CEP135: variants seen among roughly 807,000 people sequenced by gnomAD.
CEP135 encodes centrosomal protein 135.
A neutral mutation model predicts 157.3 loss-of-function variants in CEP135; 142 were observed. The ratio of observed to expected loss-of-function variants is 0.90; its 90% CI spans 0.79 to 1.04. The LOEUF (loss-of-function observed/expected upper bound fraction) is 1.04. CEP135 is among the 50% of genes least tolerant of loss of function. The pLI is 0.00. For synonymous variants in CEP135, 396 were observed against 439.8 expected, an observed-to-expected ratio of 0.90 and a Z score of 1.25; for missense variants, 1,317 against 1,309.2, an observed-to-expected ratio of 1.01 and a Z score of -0.09.
intron 18 of CEP135, among the ~76,000 whole-genome samples, chr4:56,008,681 C>T (rs1730449276): frequency 6.6e-6 from 1 of 152,154 alleles, no homozygotes; most frequent in South Asian, 2.1e-4. Context: ...CCTAAAATTA[C>T]TTTAGTAGCC....
chr4:56,011,381 T>C (rs770942663), intron 19 of CEP135, 31 bp from the exon 20 acceptor site: 1 of 1,419,982 alleles, frequency 7.0e-7, no homozygotes, highest in Admixed American at 1.9e-5. Flanking sequence ...TTGTGTTCAT[T>C]TTAGATTGTC....
intron 7 of CEP135, 122 bp from the exon 8 acceptor site, chr4:55,965,522 A>G (rs1185401837): frequency 3.0e-6 from 2 of 673,640 alleles, no homozygotes. Context: ...CAAATATAAA[A>G]TAGCTGTAGT....
At chr4:55,972,030 A>T (rs1729044737) in intron 10 of CEP135, among the ~76,000 whole-genome samples, 1 of 152,150 alleles carries the variant, frequency 6.6e-6, no homozygotes, top group South Asian at 2.1e-4. Context: ...TGCGACTGTA[A>T]TCCCAGCTAC....
At position 55,964,302 on chromosome 4, in the gene CEP135, G is replaced by A. The variant is rs1728776146; in HGVS notation, c.728G>A (p.Arg243Gln). 3.7e-6 allele frequency: 6 copies of A among 1,612,346 alleles called. No individual in the cohort carries two copies. The highest frequency in any genetic ancestry group is 1.6e-4 in the Middle Eastern group (1 of 6,070). Residue 243 changes from arginine to glutamine, a missense_variant, in exon 7 of 26, where the codon CGA becomes CAA. Transcript: ENST00000257287. ...QIELREREIE[R>Q]LSVALDGGRS... ...GAGCTAAGAGAACGAGAGATAGAAC[G>A]ACTGTCAGTTGCTTTGGATGGTGGT...
intron 10 of CEP135, among the ~76,000 whole-genome samples, chr4:55,973,261 C>A (rs1729086605): frequency 6.6e-6 from 1 of 152,180 alleles, no homozygotes; most frequent in South Asian, 2.1e-4. Flanking sequence ...TGGTCCTGAA[C>A]CTCAGCAGAC....
intron 11 of CEP135, among the ~76,000 whole-genome samples, chr4:55,975,360 C>T (rs1384132443): frequency 6.6e-6 from 1 of 152,168 alleles, no homozygotes; most frequent in Non-Finnish European, 1.5e-5. Context: ...TCATTTCCAG[C>T]CTTGGACCAG....
chr4:55,992,342 T>C (rs1166064322), intron 15 of CEP135, among the ~76,000 whole-genome samples: 1 of 152,236 alleles, frequency 6.6e-6, no homozygotes, highest in Non-Finnish European at 1.5e-5. Flanking sequence ...ATTAATATGA[T>C]TGCAGGCAAA....
In CEP135 at chr4:55,999,483, A is replaced by G. The variant is rs1164269642; in HGVS notation, c.2126-8A>G. On this transcript the variant is annotated splice_polypyrimidine_tract_variant and splice_region_variant and intron_variant, in intron 16 of 25. Transcript: ENST00000257287. Reference sequence around the variant, plus strand: ...CTTTGTCTAACAAACATTTCTTTTCATTTGTAGATGAACTAAACCTTAAGA... The same window carrying G: ...CTTTGTCTAACAAACATTTCTTTTCGTTTGTAGATGAACTAAACCTTAAGA... The G allele has an allele frequency of 6.2e-7, 1 of 1,612,118 alleles. No individual in the cohort carries two copies. Among genetic ancestry groups the G allele is most frequent in the Admixed American group, 1.7e-5 (1 of 59,476 alleles).
intron 14 of CEP135, among the ~76,000 whole-genome samples, chr4:55,990,573 G>A (rs1729751239): frequency 6.6e-6 from 1 of 151,972 alleles, no homozygotes; most frequent in South Asian, 2.1e-4. Context: ...ATAGCTCACT[G>A]CCTCCTCCAA....
chr4:56,024,543 A>G lies in CEP135; in HGVS notation c.3363A>G (p.Thr1121=). 3 of 1,613,994 alleles carry G rather than the reference A, an allele frequency of 1.9e-6. No homozygotes were observed. The highest frequency in any genetic ancestry group is 2.5e-6 in the Non-Finnish European group (3 of 1,179,916). Residue 1121 remains threonine (T), a synonymous_variant, in exon 25 of 26, where the codon ACA becomes ACG. Transcript: ENST00000257287. ...AGATGCGTCGACATGGTCTTGCTACACCACCCCTTAGTTCCACTCTGAGGT... is the reference window on the plus strand; with the variant it reads ...AGATGCGTCGACATGGTCTTGCTACGCCACCCCTTAGTTCCACTCTGAGGT... ...IQEMRRHGLA[T]PPLSSTLRSP...
rs180867365 is a variant in CEP135, at chr4:55,975,807, G to A, written c.1473+838G>A. On this transcript the variant is annotated intron_variant, in intron 11 of 25. Coordinates refer to ENST00000257287, the MANE Select transcript of CEP135 (RefSeq NM_025009.5). Reference sequence around the variant, plus strand: ...AAAACATTTGATTTCAGACTTGGCCGAATTTACTAATTTTGTCATGTTTTT... The same window carrying A: ...AAAACATTTGATTTCAGACTTGGCCAAATTTACTAATTTTGTCATGTTTTT... Among the ~76,000 whole-genome samples, 32 of 152,234 alleles carry A rather than the reference G, an allele frequency of 2.1e-4. No homozygotes were observed. The East Asian group carries it at 5.4e-3, about 26-fold the overall frequency.
At position 55,976,921 on chromosome 4, in the gene CEP135, C is replaced by T. The variant is rs547872012; in HGVS notation, c.1473+1952C>T. Among the ~76,000 whole-genome samples, 6 of 152,256 alleles carry T rather than the reference C, an allele frequency of 3.9e-5. No individual in the cohort carries two copies. In the East Asian group the frequency reaches 1.2e-3, roughly 29 times the overall value. On this transcript the variant is annotated intron_variant, in intron 11 of 25. Transcript: ENST00000257287. ...GCCTACTGGGCTCAAGCCATTTTCA[C>T]ACCTTAGCGTACTGAGTAGCTGGGA...
chr4:55,949,715 A>T (rs1328524205), intron 1 of CEP135, among the ~76,000 whole-genome samples: 1 of 152,204 alleles, frequency 6.6e-6, no homozygotes, highest in Non-Finnish European at 1.5e-5. Flanking sequence ...GGGGACCCCC[A>T]AACCTAACCT....
At chr4:55,975,223 C>T (rs1230590774) in intron 11 of CEP135, among the ~76,000 whole-genome samples, 2 of 152,152 alleles carry the variant, frequency 1.3e-5, no homozygotes, top group Admixed American at 1.3e-4. Context: ...TGCAGTGGCA[C>T]CTGGCCTTCC....
intron 15 of CEP135, among the ~76,000 whole-genome samples, chr4:55,994,577 C>T (rs778683371): frequency 1.3e-5 from 2 of 152,068 alleles, no homozygotes; most frequent in Non-Finnish European, 2.9e-5. Flanking sequence ...TTTCCATCCC[C>T]CTGAGGTACC....
intron 17 of CEP135, 119 bp downstream of exon 17, chr4:55,999,764 C>T: frequency 2.1e-6 from 2 of 937,240 alleles, no homozygotes; most frequent in Non-Finnish European, 3.2e-6. Context: ...ATGATCACAG[C>T]TCACTGCAAC....
chr4:55,978,283 G>C lies in CEP135; in HGVS notation c.1474-1860G>C, dbSNP rs546814581. Among the ~76,000 whole-genome samples the C allele has an allele frequency of 5.3e-5, 8 of 152,202 alleles. No individual in the cohort carries two copies. The South Asian group carries it at 1.7e-3, about 32-fold the overall frequency. ...TGGCCCTCATGGAGCTTAAATTTTAGTAGTACAGATACACATTAAATGCAC... is the reference window on the plus strand; with the variant it reads ...TGGCCCTCATGGAGCTTAAATTTTACTAGTACAGATACACATTAAATGCAC... On this transcript the variant is annotated intron_variant, in intron 11 of 25. Transcript: ENST00000257287.
Position 56,033,332 on chromosome 4 carries a change from C to T in CEP135, c.*1984C>T, listed in dbSNP as rs1731425741. 1 of 151,950 alleles carries T rather than the reference C, an allele frequency of 6.6e-6. No individual in the cohort carries two copies. Among genetic ancestry groups the T allele is most frequent in the African/African-American group, 2.4e-5 (1 of 41,390 alleles). 9.4% of individuals were successfully genotyped at this position (151,950 alleles called of 1,614,324 possible). A position where few individuals can be genotyped will look rare whatever the true frequency, so the allele number is the denominator to read the frequency against. ...AATAATTTTAAATTATGGAGCTTGA[C>T]CTAGATTTGCCAATAAACTTTCTAG... On this transcript the variant is annotated 3_prime_UTR_variant, in exon 26 of 26. Coordinates refer to ENST00000257287, the MANE Select transcript of CEP135 (RefSeq NM_025009.5).
chr4:56,017,872 T>A lies in CEP135; in HGVS notation c.3012+15T>A. 6.2e-7 allele frequency: 1 copy of A among 1,604,272 alleles called. No homozygotes were observed. The highest frequency in any genetic ancestry group is 8.5e-7 in the Non-Finnish European group (1 of 1,174,408). ...AGTTTGAGAGGGTAAGAAAGATAAATTGTCTTGGCACATTGTTTTATTGAG... is the reference window on the plus strand; with the variant it reads ...AGTTTGAGAGGGTAAGAAAGATAAAATGTCTTGGCACATTGTTTTATTGAG... On this transcript the variant is annotated intron_variant, in intron 22 of 25. Coordinates refer to ENST00000257287, the MANE Select transcript of CEP135 (RefSeq NM_025009.5).
Sources: gnomAD v4.1 joint callset for allele counts (sites outside exome capture counted in the v4.1 genomes callset) on GRCh38, gnomAD v4.1.1 for gene constraint, MANE v1.5 for transcripts, NCBI Gene and HGNC (gene_info 2026-07-23, HGNC 2026-07-21) for gene names.